UNC13A: variants seen among roughly 807,000 people sequenced by gnomAD.
UNC13A encodes the protein protein unc-13 homolog A.
Under a neutral mutation model 219.7 loss-of-function variants are expected in UNC13A, and 61 were observed. The ratio of observed to expected loss-of-function variants is 0.28; its 90% CI spans 0.23 to 0.34. The LOEUF (loss-of-function observed/expected upper bound fraction) is 0.34, where lower values mean the gene tolerates loss of function less well. Among genes scored for constraint, UNC13A ranks in the 10% least tolerant of loss-of-function variants. The pLI, the probability that UNC13A is intolerant of heterozygous loss-of-function variation, is 1.00. For missense variants in UNC13A, 1,476 were observed against 2,270.3 expected (o/e 0.65, Z 7.11); for synonymous variants, 920 against 884.6 (o/e 1.04, Z -0.71).
intron 19 of UNC13A, among the ~76,000 whole-genome samples, chr19:17,643,723 A>T (rs2076994972): frequency 6.6e-6 from 1 of 151,976 alleles, no homozygotes; most frequent in Admixed American, 6.6e-5. Flanking sequence ...TCTTCCTTCA[A>T]ACAAGGATCC....
At chr19:17,637,140 A>C (rs2076920378) in intron 25 of UNC13A, among the ~76,000 whole-genome samples, 1 of 151,488 alleles carries the variant, frequency 6.6e-6, no homozygotes, top group African/African-American at 2.4e-5. Flanking sequence ...ACACCTGGCT[A>C]ATTTTTGTAT....
chr19:17,668,253 C>T, intron 5 of UNC13A, 63 bp from the exon 6 acceptor site: 1 of 1,534,470 alleles, frequency 6.5e-7, no homozygotes, highest in South Asian at 1.2e-5. Context: ...CTCCATCCTC[C>T]AGGCCTACTG....
At chr19:17,620,869 C>A in intron 37 of UNC13A, 147 bp from the exon 38 acceptor site, 1 of 839,414 alleles carries the variant, frequency 1.2e-6, no homozygotes, top group South Asian at 1.5e-5. Flanking sequence ...GGCCCCCTCC[C>A]CAGCTAGCAC....
chr19:17,681,701 T>G (rs1599420910), intron 1 of UNC13A, among the ~76,000 whole-genome samples: 1 of 152,270 alleles, frequency 6.6e-6, no homozygotes, highest in Non-Finnish European at 1.5e-5. Context: ...CGTCACCTCC[T>G]CCATTAATCC....
intron 23 of UNC13A, 91 bp downstream of exon 23, chr19:17,639,749 G>T: frequency 7.0e-7 from 1 of 1,436,610 alleles, no homozygotes; most frequent in Non-Finnish European, 9.8e-7. Context: ...GCGAAGATGG[G>T]TCCTCCCATG....
intron 1 of UNC13A, among the ~76,000 whole-genome samples, chr19:17,679,833 CT>C (rs755967682): frequency 6.6e-6 from 1 of 152,104 alleles, no homozygotes; most frequent in Non-Finnish European, 1.5e-5. Flanking sequence ...GTCAGTCCGG[CT>C]CCTCTTCCCT....
rs189178471 is a variant in UNC13A at position 17,641,512 on chromosome 19, C to T, written c.2517G>A (p.Val839=). The T allele has an allele frequency of 2.8e-5, 45 of 1,614,080 alleles. No individual in the cohort carries two copies. In the East Asian group the frequency reaches 9.4e-4, roughly 34 times the overall value. The change falls in exon 21 of 44, where the codon GTG becomes GTA. Residue 839 remains valine, a synonymous_variant. Coordinates refer to ENST00000519716, the MANE Select transcript of UNC13A (RefSeq NM_001080421.3). ...FVTDVQNNGV[V]KIPDAKGDDA... ...CGTCACCCTTGGCATCTGGGATCTT[C>T]ACGACCCCATTGTTCTGCACGTCGG...
At chr19:17,646,314 G>A (rs1048882463) in intron 17 of UNC13A, among the ~76,000 whole-genome samples, 7 of 149,400 alleles carry the variant, frequency 4.7e-5, no homozygotes, top group Non-Finnish European at 7.5e-5. Context: ...AGTTTTGCTC[G>A]TCACCCAGGC....
intron 26 of UNC13A, among the ~76,000 whole-genome samples, chr19:17,634,315 T>C (rs2076889756): frequency 6.6e-6 from 1 of 152,002 alleles, no homozygotes; most frequent in Non-Finnish European, 1.5e-5. Context: ...CATTTACCCA[T>C]CCATCTGTCC....
chr19:17,644,679 G>A (rs1047728468), intron 19 of UNC13A, among the ~76,000 whole-genome samples: 5 of 150,818 alleles, frequency 3.3e-5, no homozygotes, highest in African/African-American at 7.3e-5. Context: ...TTATAGGCGT[G>A]AGACACTGCA....
chr19:17,621,730 C>A, intron 37 of UNC13A, 102 bp downstream of exon 37: 1 of 1,263,670 alleles, frequency 7.9e-7, no homozygotes, highest in East Asian at 2.3e-5. Context: ...CTACCCACGA[C>A]CCCCAGCTGC....
chr19:17,629,201 G>C, intron 31 of UNC13A, 39 bp downstream of exon 31: 1 of 1,540,202 alleles, frequency 6.5e-7, no homozygotes, highest in Non-Finnish European at 8.9e-7. Flanking sequence ...GCTGAATGGG[G>C]CTGAGGAGGG....
At chr19:17,616,253 C>G (rs1479409867) in intron 41 of UNC13A, among the ~76,000 whole-genome samples, 2 of 152,198 alleles carry the variant, frequency 1.3e-5, no homozygotes, top group African/African-American at 4.8e-5. Flanking sequence ...CGTCCTTCCC[C>G]CTCACCCGCC....
At chr19:17,636,815 A>G (rs1179866431) in intron 25 of UNC13A, among the ~76,000 whole-genome samples, 3 of 152,214 alleles carry the variant, frequency 2.0e-5, no homozygotes, top group Non-Finnish European at 4.4e-5. Flanking sequence ...ATTCAACTGA[A>G]ATCAATTGCA....
At chr19:17,608,036 C>T (rs2076553304) in intron 43 of UNC13A, among the ~76,000 whole-genome samples, 1 of 150,596 alleles carries the variant, frequency 6.6e-6, no homozygotes, top group South Asian at 2.1e-4. Flanking sequence ...CGCCTGCCAC[C>T]ACACCCGGCT....
rs1159724407 is a variant in UNC13A at position 17,627,423 on chromosome 19, C to T, written c.3920+86G>A. The T allele has an allele frequency of 1.9e-6, 2 of 1,061,094 alleles. No individual in the cohort carries two copies. The highest frequency in any genetic ancestry group is 2.8e-6 in the Non-Finnish European group (2 of 712,116). The allele number at this position is 1,061,094 out of a possible 1,614,324, so 65.7% of individuals were successfully genotyped here. ...TCTGAGCCTGCAATCTTCACCTCTACATCTGCTGAGCCTCCAGATGCCCCA... is the reference window on the plus strand; with the variant it reads ...TCTGAGCCTGCAATCTTCACCTCTATATCTGCTGAGCCTCCAGATGCCCCA... On this transcript the variant is annotated intron_variant, in intron 33 of 43. Transcript: ENST00000519716. This position sits in a 1 kb window ranked among gnomAD's most constrained non-coding sequence, Gnocchi z 4.7.
At chr19:17,679,682 TTCTC>T (rs143875351) in intron 1 of UNC13A, among the ~76,000 whole-genome samples, 1,771 of 151,832 alleles carry the variant, frequency 0.012, 27 homozygotes, top group African/African-American at 0.041. Context: ...CCTTGATCTG[TTCTC>T]TCTCTCTCTT....
intron 38 of UNC13A, among the ~76,000 whole-genome samples, chr19:17,620,165 A>C (rs144618166): frequency 1.3e-3 from 200 of 152,208 alleles, no homozygotes; most frequent in African/African-American, 4.5e-3. Context: ...TACCCATGGT[A>C]ACTTGGGGGA....
Position 17,649,047 on chromosome 19 carries a change from T to A in UNC13A, c.1525-64A>T. 6.7e-7 allele frequency: 1 copy of A among 1,497,206 alleles called. No individual in the cohort carries two copies. Among genetic ancestry groups the A allele is most frequent in the East Asian group, 2.5e-5 (1 of 40,588 alleles). 92.7% of individuals were successfully genotyped at this position (1,497,206 alleles called of 1,614,324 possible). A position where few individuals can be genotyped will look rare whatever the true frequency, so the allele number is the denominator to read the frequency against. ...ATCCATGAGATCACCACCAGGAGAGTTCACAGCCACGGATGGGGCCAGCAG... is the reference window on the plus strand; with the variant it reads ...ATCCATGAGATCACCACCAGGAGAGATCACAGCCACGGATGGGGCCAGCAG... On this transcript the variant is annotated intron_variant, in intron 14 of 43. Transcript: ENST00000519716. The surrounding 1 kb of genome is among the most constrained non-coding windows in gnomAD (Gnocchi z 4.4).
Sources: gnomAD v4.1 joint callset for allele counts (sites outside exome capture counted in the v4.1 genomes callset) on GRCh38, gnomAD v4.1.1 for gene constraint, Gnocchi (gnomAD v3.1) non-coding constraint, MANE v1.5 for transcripts, NCBI Gene and HGNC (gene_info 2026-07-23, HGNC 2026-07-21) for gene names.